The following RCOR1 variants were observed in gnomAD, a reference collection of about 807,000 sequenced individuals.
The protein encoded by RCOR1 is REST corepressor.
Under a neutral mutation model 64.0 loss-of-function variants are expected in RCOR1, and 12 were observed. The observed-to-expected ratio is 0.19, with a 90% confidence interval of 0.12 to 0.30. The LOEUF (loss-of-function observed/expected upper bound fraction) is 0.30. RCOR1 is among the 10% of genes least tolerant of loss of function. The pLI is 1.00. For synonymous variants in RCOR1, 279 were observed against 227.2 expected (o/e 1.23, Z -2.05); for missense variants, 502 against 621.2 (o/e 0.81, Z 2.04).
intron 2 of RCOR1, chr14:102,656,211 C>T: frequency 3.1e-6 from 2 of 637,614 alleles, no homozygotes; most frequent in Non-Finnish European, 3.9e-6. Context: ...GTGATCTAGG[C>T]TCACTGCAAC....
intron 2 of RCOR1, among the ~76,000 whole-genome samples, chr14:102,681,676 T>C (rs1431319616): frequency 6.6e-6 from 1 of 152,214 alleles, no homozygotes; most frequent in Non-Finnish European, 1.5e-5. Flanking sequence ...CAGAGCAGCA[T>C]ACTGTAAAAT....
intron 2 of RCOR1, among the ~76,000 whole-genome samples, chr14:102,672,354 C>T (rs949430804): frequency 3.3e-5 from 5 of 152,116 alleles, no homozygotes; most frequent in Admixed American, 1.3e-4. Context: ...GGACTACAGG[C>T]GCCCGCCACC....
At chr14:102,678,650 G>T (rs1895240216) in intron 2 of RCOR1, among the ~76,000 whole-genome samples, 1 of 152,134 alleles carries the variant, frequency 6.6e-6, no homozygotes, top group Admixed American at 6.5e-5. Flanking sequence ...GCTGAACAGT[G>T]GGGTTGCTAG....
intron 2 of RCOR1, among the ~76,000 whole-genome samples, chr14:102,606,222 G>A (rs979650142): frequency 2.0e-5 from 3 of 152,050 alleles, no homozygotes; most frequent in South Asian, 4.2e-4. Flanking sequence ...CACCGTGCCC[G>A]GCCTAATTTT....
intron 6 of RCOR1, among the ~76,000 whole-genome samples, chr14:102,710,132 G>T (rs1006173531): frequency 4.6e-5 from 7 of 152,232 alleles, no homozygotes; most frequent in African/African-American, 1.7e-4. Flanking sequence ...TCTTTCCTCA[G>T]CTAGAGCTTC....
intron 3 of RCOR1, among the ~76,000 whole-genome samples, chr14:102,685,627 C>T (rs1249649118): frequency 6.6e-6 from 1 of 151,976 alleles, no homozygotes; most frequent in Non-Finnish European, 1.5e-5. Context: ...GGACTACACA[C>T]GCAGGCCCCT....
At chr14:102,662,489 T>C (rs894934919) in intron 2 of RCOR1, 19 of 530,526 alleles carry the variant, frequency 3.6e-5, no homozygotes, top group South Asian at 2.6e-4. Flanking sequence ...GATGATAATA[T>C]GGTGGTCAAG....
intron 2 of RCOR1, among the ~76,000 whole-genome samples, chr14:102,612,588 G>A (rs1023639848): frequency 2.6e-5 from 4 of 152,026 alleles, no homozygotes; most frequent in African/African-American, 9.6e-5. Context: ...CACCTGCTTC[G>A]GCCTCCCAAA....
chr14:102,684,125 C>G (rs536785348), intron 3 of RCOR1, among the ~76,000 whole-genome samples: 2 of 152,314 alleles, frequency 1.3e-5, no homozygotes, highest in Admixed American at 6.5e-5. Context: ...CCAACTCGCA[C>G]GGGAGGCCCC....
chr14:102,674,717 C>T (rs1234115244), intron 2 of RCOR1, among the ~76,000 whole-genome samples: 1 of 152,076 alleles, frequency 6.6e-6, no homozygotes, highest in African/African-American at 2.4e-5. Flanking sequence ...TTGCAGTTTC[C>T]TTGTAGACCT....
chr14:102,632,137 A>G (rs1042606193), intron 2 of RCOR1, among the ~76,000 whole-genome samples: 42 of 150,054 alleles, frequency 2.8e-4, no homozygotes, highest in African/African-American at 1.0e-3. Context: ...GTGGGCACTG[A>G]ATGATGACAG....
At position 102,676,400 on chromosome 14, in the gene RCOR1, C is replaced by T. The variant is rs1158448674; in HGVS notation, c.362-5495C>T. 3.1e-3 allele frequency among the ~76,000 whole-genome samples: 408 copies of T among 131,260 alleles called. 1 individual carries two copies. The highest frequency in any genetic ancestry group is 0.018 in the South Asian group (73 of 4,126). The allele number at this position is 131,260 out of a possible 152,430, so 86.1% of individuals were successfully genotyped here. A position where few individuals can be genotyped will look rare whatever the true frequency, so the allele number is the denominator to read the frequency against. ...GGCCGGGCAGAGGGGCTCCTCACTT[C>T]CCAGTAGGGGCGGCCAGGCAGAGGC... On this transcript the variant is annotated intron_variant, in intron 2 of 11. Transcript: ENST00000262241.
At chr14:102,686,223 A>G (rs542465269) in intron 3 of RCOR1, among the ~76,000 whole-genome samples, 22 of 152,184 alleles carry the variant, frequency 1.4e-4, no homozygotes, top group Non-Finnish European at 1.3e-4. Context: ...AAAAAAAGCA[A>G]TAGTGAAGAT....
chr14:102,653,221 CTAT>C (rs1434454846), intron 2 of RCOR1, among the ~76,000 whole-genome samples: 1 of 151,682 alleles, frequency 6.6e-6, no homozygotes, highest in African/African-American at 2.4e-5. Context: ...TGCACCCAGC[CTAT>C]TATTATTTTT....
chr14:102,702,521 A>G (rs1013460164), intron 4 of RCOR1, among the ~76,000 whole-genome samples: 1 of 151,156 alleles, frequency 6.6e-6, no homozygotes, highest in Non-Finnish European at 1.5e-5. Context: ...TAAAAGAATA[A>G]CAGCAATTGT....
intron 2 of RCOR1, among the ~76,000 whole-genome samples, chr14:102,617,017 A>G (rs1326930510): frequency 6.6e-6 from 1 of 152,190 alleles, no homozygotes; most frequent in Non-Finnish European, 1.5e-5. Context: ...TTAGGAGTTG[A>G]AGGGCCAGGA....
At chr14:102,655,794 A>G (rs1276996320) in intron 2 of RCOR1, among the ~76,000 whole-genome samples, 2 of 152,134 alleles carry the variant, frequency 1.3e-5, no homozygotes. Context: ...CTCTACTAAA[A>G]ATACAAAAAT....
At chr14:102,623,413 T>C (rs887857968) in intron 2 of RCOR1, among the ~76,000 whole-genome samples, 4 of 150,686 alleles carry the variant, frequency 2.7e-5, no homozygotes, top group African/African-American at 2.4e-5. Context: ...TTTATTTATT[T>C]ATTTATTTAT....
chr14:102,623,194 CAG>C (rs1383155049), intron 2 of RCOR1, among the ~76,000 whole-genome samples: 4 of 152,122 alleles, frequency 2.6e-5, no homozygotes, highest in South Asian at 4.1e-4. Context: ...AGATCTAACT[CAG>C]AGATTTCTAT....
Sources: gnomAD v4.1 joint callset for allele counts (sites outside exome capture counted in the v4.1 genomes callset) on GRCh38, gnomAD v4.1.1 for gene constraint, MANE v1.5 for transcripts, NCBI Gene and HGNC (gene_info 2026-07-23, HGNC 2026-07-21) for gene names.